NCAPH: variants seen among roughly 807,000 people sequenced by gnomAD.
NCAPH encodes the protein non-SMC condensin I complex subunit H.
In NCAPH, 38 loss-of-function variants were observed where a neutral mutation model predicts 85.5. The observed-to-expected ratio is 0.44, with a 90% CI of 0.34 to 0.58. NCAPH has a LOEUF of 0.58. Among genes scored for constraint, NCAPH ranks in the 20% least tolerant of loss-of-function variants. The pLI is 0.01. For synonymous variants in NCAPH, 301 were observed against 335.1 expected (o/e 0.90, Z 1.11); for missense variants, 789 against 916.6 (o/e 0.86, Z 1.80).
chr2:96,356,149 A>G (rs1243046171), intron 9 of NCAPH, among the ~76,000 whole-genome samples: 1 of 152,168 alleles, frequency 6.6e-6, no homozygotes, highest in Non-Finnish European at 1.5e-5. Context: ...TCTCTCCCCT[A>G]TTCCAAACAG....
intron 12 of NCAPH, among the ~76,000 whole-genome samples, chr2:96,361,777 TATATAC>T (rs2064618597): frequency 2.9e-5 from 4 of 138,070 alleles, no homozygotes; most frequent in African/African-American, 7.9e-5. Flanking sequence ...TACATATATA[TATATAC>T]ACATATATAT....
chr2:96,345,559 T>G (rs1046358528), intron 6 of NCAPH, among the ~76,000 whole-genome samples: 1 of 152,150 alleles, frequency 6.6e-6, no homozygotes, highest in Non-Finnish European at 1.5e-5. Flanking sequence ...GCCTGTAGTC[T>G]CCCTCTAGTG....
intron 12 of NCAPH, among the ~76,000 whole-genome samples, chr2:96,361,749 GATAT>G (rs142082869): frequency 1.1e-5 from 1 of 95,190 alleles, no homozygotes; most frequent in African/African-American, 3.7e-5. Flanking sequence ...AGATTTTAAT[GATAT>G]ATATATATAT....
At chr2:96,348,500 G>T (rs540950517) in intron 6 of NCAPH, among the ~76,000 whole-genome samples, 1 of 151,076 alleles carries the variant, frequency 6.6e-6, no homozygotes, top group Non-Finnish European at 1.5e-5. Flanking sequence ...CCTATGTCAA[G>T]GTCTTTAAAC....
intron 9 of NCAPH, among the ~76,000 whole-genome samples, chr2:96,356,719 C>A (rs1268972301): frequency 2.6e-5 from 4 of 152,050 alleles, no homozygotes; most frequent in Non-Finnish European, 5.9e-5. Context: ...CCAGACATCA[C>A]GTTACCATCC....
intron 17 of NCAPH, among the ~76,000 whole-genome samples, chr2:96,369,703 G>T (rs1350906425): frequency 1.3e-5 from 2 of 152,192 alleles, no homozygotes; most frequent in East Asian, 3.8e-4. Flanking sequence ...AATGAAAATA[G>T]CACAGAGGAC....
Position 96,373,254 on chromosome 2 carries a change from G to T in NCAPH, c.2167-38G>T, listed in dbSNP as rs527699068. ...GGAATTTATGATTCTTTTATTCTCC[G>T]TATACCAAAGTCCATGCATGTTTTG... is the stretch of plus-strand genomic sequence containing the variant. On this transcript the variant is annotated intron_variant, in intron 17 of 17. Coordinates refer to ENST00000240423, the MANE Select transcript of NCAPH (RefSeq NM_015341.5). 22 of 1,547,282 alleles carry T rather than the reference G, an allele frequency of 1.4e-5. No homozygotes were observed. In the Admixed American group the frequency reaches 3.7e-4, roughly 26 times the overall value.
rs558441739 is a variant in NCAPH, at chr2:96,349,894, AGT to A, written c.721-1936_721-1935del. On this transcript the variant is annotated intron_variant, in intron 6 of 17. Coordinates refer to ENST00000240423, the MANE Select transcript of NCAPH (RefSeq NM_015341.5). ...CAAGGCACATGCTATAGGAAACCAGAGTTGGTAGGGCTCAGAGTTTATGGAAG... is the reference window on the plus strand; with the variant it reads ...CAAGGCACATGCTATAGGAAACCAGATGGTAGGGCTCAGAGTTTATGGAAG... Among the ~76,000 whole-genome samples the A allele has an allele frequency of 2.0e-4, 30 of 152,328 alleles. 1 individual carries two copies. The South Asian group carries it at 5.8e-3, about 29-fold the overall frequency.
chr2:96,367,446 C>A, intron 15 of NCAPH, 73 bp downstream of exon 15: 2 of 1,121,630 alleles, frequency 1.8e-6, no homozygotes, highest in Non-Finnish European at 2.7e-6. Context: ...CAGCTGAAGA[C>A]ACCTCGATTT....
At chr2:96,361,040 C>CTTTTTTTTT (rs760283642) in intron 12 of NCAPH, among the ~76,000 whole-genome samples, 1 of 86,750 alleles carries the variant, frequency 1.2e-5, no homozygotes, top group Non-Finnish European at 2.3e-5. Context: ...TTGCTTTCTC[C>CTTTTTTTTT]TTTTTTTTTT....
chr2:96,368,423 G>A (rs977413807), intron 15 of NCAPH, among the ~76,000 whole-genome samples: 2 of 152,142 alleles, frequency 1.3e-5, no homozygotes, highest in East Asian at 3.9e-4. Context: ...TTGGGAGGCC[G>A]AGGTGGGTGG....
chr2:96,361,808 ATAT>A (rs2064622329), intron 12 of NCAPH, among the ~76,000 whole-genome samples: 1 of 75,162 alleles, frequency 1.3e-5, no homozygotes, highest in African/African-American at 4.3e-5. Context: ...ATATATGTGT[ATAT>A]ATATATATAT....
intron 1 of NCAPH, among the ~76,000 whole-genome samples, chr2:96,336,710 A>G (rs1165737665): frequency 6.6e-6 from 1 of 152,220 alleles, no homozygotes; most frequent in Admixed American, 6.5e-5. Context: ...GGGGAGTTAT[A>G]TGGACCACTC....
intron 12 of NCAPH, among the ~76,000 whole-genome samples, chr2:96,363,327 C>T (rs2064652688): frequency 6.6e-6 from 1 of 152,136 alleles, no homozygotes; most frequent in South Asian, 2.1e-4. Context: ...AAACACTGGA[C>T]ATTTGGCTAG....
intron 13 of NCAPH, 24 bp downstream of exon 13, chr2:96,364,615 T>C (rs2064669877): frequency 1.3e-6 from 2 of 1,517,626 alleles, no homozygotes; most frequent in African/African-American, 1.4e-5. Context: ...AGGGGCTCTG[T>C]CCTCTCTTCT....
intron 9 of NCAPH, among the ~76,000 whole-genome samples, chr2:96,358,593 G>A (rs798202): frequency 6.6e-6 from 1 of 151,656 alleles, no homozygotes; most frequent in African/African-American, 2.4e-5. Flanking sequence ...CTCAGCCTCC[G>A]GAGTAGCTGG....
chr2:96,364,793 C>A (rs1403487178), intron 13 of NCAPH, among the ~76,000 whole-genome samples: 2 of 152,204 alleles, frequency 1.3e-5, no homozygotes, highest in African/African-American at 4.8e-5. Context: ...GCCTGCCTTA[C>A]CTCACATCCT....
chr2:96,339,012 C>T (rs1033603078), intron 1 of NCAPH, among the ~76,000 whole-genome samples: 1 of 152,166 alleles, frequency 6.6e-6, no homozygotes. Context: ...GGGGTTTCAC[C>T]GTGTTGGCCA....
At chr2:96,359,340 G>C (rs563656768) in intron 10 of NCAPH, 147 bp downstream of exon 10, 2 of 1,014,310 alleles carry the variant, frequency 2.0e-6, no homozygotes, top group African/African-American at 1.6e-5. Flanking sequence ...CAGCCTCCTG[G>C]TTGGTCAGTT....
Sources: allele counts gnomAD v4.1 joint callset (sites outside exome capture counted in the v4.1 genomes callset), GRCh38; gene constraint gnomAD v4.1.1; transcripts MANE v1.5; gene names NCBI Gene and HGNC (gene_info 2026-07-23, HGNC 2026-07-21).